The following KRT7 variants were observed in gnomAD, a reference collection of about 807,000 sequenced individuals.
KRT7 encodes keratin, type II cytoskeletal 7.
In KRT7, 50 loss-of-function variants were observed where a neutral mutation model predicts 42.8. That is an observed-to-expected ratio of 1.17 (90% CI 0.93 to 1.48). KRT7 has a LOEUF of 1.48. Among genes scored for constraint, KRT7 ranks in the 40% most tolerant of loss-of-function variants. The pLI is 0.00. For missense variants in KRT7, 588 were observed against 637.6 expected (o/e 0.92, Z 0.84); for synonymous variants, 268 against 266.3 (o/e 1.01, Z -0.06).
At position 52,235,319 on chromosome 12, in the gene KRT7, GGCGGAGCT is replaced by G; in HGVS notation, c.497_504del (p.Leu166HisfsTer11). The G allele has an allele frequency of 6.2e-7, 1 of 1,613,860 alleles. No homozygotes were observed. Among genetic ancestry groups the G allele is most frequent in the Non-Finnish European group, 8.5e-7 (1 of 1,179,964 alleles). On this transcript the variant is annotated frameshift_variant, in exon 2 of 9. Transcript: ENST00000331817. LOFTEE classifies it high-confidence loss of function. ...TGCAGGTGGATGGGGGCCGCCTGGA[GGCGGAGCT>G]GCGGAGCATGCAGGATGTGGTGGAG... is the stretch of plus-strand genomic sequence containing the variant.
chr12:52,245,287 A>C (rs753515132), intron 6 of KRT7, 125 bp from the exon 7 acceptor site: 11 of 853,138 alleles, frequency 1.3e-5, no homozygotes, highest in Middle Eastern at 3.3e-4. Flanking sequence ...ATTCTCTGGT[A>C]CTTGGGGGAG....
At chr12:52,253,458 C>A, downstream of KRT7, 1 of 1,534,426 alleles carries the variant, frequency 6.5e-7, no homozygotes, top group South Asian at 1.1e-5. Context: ...GGCAGTCCTG[C>A]CCTGCTACCC....
At chr12:52,249,289 C>T (rs1276437372), downstream of KRT7, 1 of 152,284 alleles carries the variant, frequency 6.6e-6, no homozygotes, top group East Asian at 1.9e-4. Context: ...CGTTCAGCTG[C>T]CCCAGCTTCC....
chr12:52,234,127 A>AGGGGGG (rs574825664), intron 1 of KRT7, among the ~76,000 whole-genome samples: 1 of 82,846 alleles, frequency 1.2e-5, no homozygotes, highest in Non-Finnish European at 2.4e-5. Context: ...GGGGCGGGGG[A>AGGGGGG]GGGGGGGGGG....
intron 7 of KRT7, chr12:52,246,442 G>C (rs1027128979): frequency 6.6e-6 from 1 of 152,196 alleles, no homozygotes; most frequent in Admixed American, 6.5e-5. Flanking sequence ...GTGTATACAA[G>C]AACTTATTCT....
Position 52,235,201 on chromosome 12 carries a change from C to G in KRT7, c.371C>G (p.Thr124Arg). 2 of 1,614,140 alleles carry G rather than the reference C, an allele frequency of 1.2e-6. No homozygotes were observed. The highest frequency in any genetic ancestry group is 1.7e-5 in the Admixed American group (1 of 60,032). ...QQNKLLETKW[T>R]LLQEQKSAKS... ...AACAAGCTGCTGGAGACCAAGTGGA[C>G]GCTGCTGCAGGAGCAGAAGTCGGCC... The change falls in exon 2 of 9, where the codon ACG (threonine) becomes AGG (arginine). Residue 124 changes from threonine (T) to arginine (R), a missense_variant. Thr to Arg is a moderately conservative substitution (Grantham distance 71). Transcript: ENST00000331817.
chr12:52,250,507 C>A, downstream of KRT7: 1 of 746,972 alleles, frequency 1.3e-6, no homozygotes, highest in Non-Finnish European at 2.3e-6. Context: ...CTGCTCTGGC[C>A]GCAGGGCGCA....
intron 8 of KRT7, 74 bp from the exon 9 acceptor site, chr12:52,248,517 G>A: frequency 5.7e-6 from 8 of 1,406,548 alleles, no homozygotes; most frequent in Non-Finnish European, 7.8e-6. Flanking sequence ...GCAGGAGGGT[G>A]GGGTGCAGTG....
rs192062622 is a variant in KRT7, at chr12:52,246,811, C to T, written c.1205+1179C>T. Among the ~76,000 whole-genome samples the T allele has an allele frequency of 6.4e-4, 97 of 152,330 alleles. No homozygotes were observed. In the Middle Eastern group the frequency reaches 0.01, roughly 16 times the overall value. ...AGGCACAGGGCCCCCAAATTCTCTA[C>T]AACCCATACCCTGGGCCTTCTGTTG... On this transcript the variant is annotated intron_variant, in intron 7 of 8. Coordinates refer to ENST00000331817, the MANE Select transcript of KRT7 (RefSeq NM_005556.4).
At chr12:52,239,538 G>A (rs763418552) in intron 4 of KRT7, among the ~76,000 whole-genome samples, 11 of 152,166 alleles carry the variant, frequency 7.2e-5, no homozygotes, top group Admixed American at 2.0e-4. Context: ...CTAAGGATTC[G>A]GGAGGAGGTG....
downstream of KRT7, among the ~76,000 whole-genome samples, chr12:52,254,033 G>A (rs78883505): frequency 9.9e-5 from 15 of 152,254 alleles, no homozygotes; most frequent in East Asian, 1.9e-3. Context: ...GAACCTTTGG[G>A]TCTAGGACCA....
At chr12:52,237,768 T>G (rs1457333173) in intron 3 of KRT7, 199 bp downstream of exon 3, 3 of 362,172 alleles carry the variant, frequency 8.3e-6, no homozygotes, top group Non-Finnish European at 1.5e-5. Context: ...GTGTGGTGAC[T>G]GATTAGACTC....
At chr12:52,252,527 G>A (rs1038620672), downstream of KRT7, 1 of 1,603,220 alleles carries the variant, frequency 6.2e-7, no homozygotes, top group South Asian at 1.1e-5. Context: ...TCTGGCTTCA[G>A]GGTCAGAGGC....
At chr12:52,250,651 G>A, downstream of KRT7, 2 of 696,404 alleles carry the variant, frequency 2.9e-6, no homozygotes, top group Non-Finnish European at 2.5e-6. Context: ...CCTGCCAGAG[G>A]GGGAGGACAG....
At chr12:52,244,060 C>T (rs1368247361) in intron 6 of KRT7, among the ~76,000 whole-genome samples, 2 of 152,230 alleles carry the variant, frequency 1.3e-5, no homozygotes, top group Non-Finnish European at 2.9e-5. Context: ...CAGGGCAGCT[C>T]AGCCTGTGCA....
chr12:52,250,577 C>T (rs1942249183), downstream of KRT7: 2 of 1,266,670 alleles, frequency 1.6e-6, no homozygotes, highest in Non-Finnish European at 2.2e-6. Context: ...CGCTGCCCGT[C>T]ACCGGCCGGG....
chr12:52,253,291 G>C (rs1332648334), downstream of KRT7: 4 of 1,612,818 alleles, frequency 2.5e-6, no homozygotes, highest in Non-Finnish European at 3.4e-6. Context: ...CCTTGGTGCG[G>C]CGCAGGGTCT....
At chr12:52,235,394 A>C in intron 2 of KRT7, 28 bp downstream of exon 2, 1 of 1,569,036 alleles carries the variant, frequency 6.4e-7, no homozygotes, top group East Asian at 2.3e-5. Flanking sequence ...ACATGCGAAG[A>C]CCCCTGCCCC....
intron 4 of KRT7, among the ~76,000 whole-genome samples, chr12:52,239,841 G>A (rs940096550): frequency 2.0e-5 from 3 of 152,140 alleles, no homozygotes; most frequent in Non-Finnish European, 2.9e-5. Context: ...GTCCTCCGGG[G>A]TTTCCAGCTC....
Sources: gnomAD v4.1 joint callset for allele counts (sites outside exome capture counted in the v4.1 genomes callset) on GRCh38, gnomAD v4.1.1 for gene constraint, MANE v1.5 for transcripts, NCBI Gene and HGNC (gene_info 2026-07-23, HGNC 2026-07-21) for gene names.